The following LIMA1 variants were observed in gnomAD, a reference collection of about 807,000 sequenced individuals.
LIMA1 encodes LIM domain and actin-binding protein 1.
Under a neutral mutation model 62.6 loss-of-function variants are expected in LIMA1, and 52 were observed. That is an observed-to-expected ratio of 0.83 (90% CI 0.67 to 1.05). LIMA1 has a LOEUF of 1.05. Ranked by LOEUF, LIMA1 falls within the 50% of genes least tolerant of loss-of-function variation. The pLI is 0.00. For missense variants in LIMA1, 780 were observed against 902.2 expected (o/e 0.86, Z 1.74); for synonymous variants, 302 against 317.8 (o/e 0.95, Z 0.53).
chr12:50,247,171 G>C (rs1477099591), intron 2 of LIMA1, among the ~76,000 whole-genome samples: 2 of 151,842 alleles, frequency 1.3e-5, no homozygotes, highest in Non-Finnish European at 2.9e-5. Flanking sequence ...AATTTAAAAT[G>C]TCCAAAAAAT....
intron 4 of LIMA1, among the ~76,000 whole-genome samples, chr12:50,215,861 C>A (rs550832108): frequency 3.4e-4 from 52 of 152,126 alleles, no homozygotes; most frequent in Non-Finnish European, 2.5e-4. Flanking sequence ...ACCAGCCTGG[C>A]CAACATGGCA....
chr12:50,190,391 G>T, intron 9 of LIMA1: 1 of 143,476 alleles, frequency 7.0e-6, no homozygotes, highest in Non-Finnish European at 1.5e-5. Flanking sequence ...TTTGAGACAA[G>T]AGTTTCATGC....
intron 4 of LIMA1, among the ~76,000 whole-genome samples, chr12:50,221,566 GAGA>G (rs1171140762): frequency 1.3e-5 from 2 of 152,178 alleles, no homozygotes; most frequent in Admixed American, 6.5e-5. Context: ...TGAGGAAGTT[GAGA>G]AGAAGAGAAG....
intron 4 of LIMA1, 93 bp from the exon 5 acceptor site, chr12:50,206,161 C>A: frequency 1.1e-6 from 1 of 913,774 alleles, no homozygotes; most frequent in Non-Finnish European, 1.7e-6. Flanking sequence ...AAATAAAATC[C>A]AGATTTGATT....
Position 50,204,720 on chromosome 12 carries a change from A to G in LIMA1, c.716-20T>C. 4 of 1,612,936 alleles carry G rather than the reference A, an allele frequency of 2.5e-6. No homozygotes were observed. The highest frequency in any genetic ancestry group is 1.1e-5 in the South Asian group (1 of 91,022). ...ACTGACCTGGAAGCATCCAAATAACATGTTTTATTTTATTTCTGAGATGGG... is the reference window on the plus strand; with the variant it reads ...ACTGACCTGGAAGCATCCAAATAACGTGTTTTATTTTATTTCTGAGATGGG... On this transcript the variant is annotated intron_variant, in intron 5 of 10. Coordinates refer to ENST00000341247, the MANE Select transcript of LIMA1 (RefSeq NM_016357.5).
chr12:50,236,777 G>A (rs553865823), intron 2 of LIMA1, among the ~76,000 whole-genome samples: 23 of 151,992 alleles, frequency 1.5e-4, no homozygotes, highest in Admixed American at 7.9e-4. Flanking sequence ...CAGCTAATAA[G>A]CTAATATGCA....
chr12:50,195,985 C>T (rs1324459425), intron 7 of LIMA1, 98 bp from the exon 8 acceptor site: 28 of 1,263,162 alleles, frequency 2.2e-5, no homozygotes, highest in Non-Finnish European at 2.7e-5. Context: ...AACCTGCTGA[C>T]TCCAGTCAGT....
chr12:50,182,399 C>T (rs1331204679), intron 9 of LIMA1, among the ~76,000 whole-genome samples: 3 of 152,026 alleles, frequency 2.0e-5, no homozygotes, highest in Non-Finnish European at 4.4e-5. Context: ...TGTTATCACA[C>T]ACAGAAGAAA....
At chr12:50,262,382 C>G (rs1942082487) in intron 1 of LIMA1, among the ~76,000 whole-genome samples, 1 of 152,034 alleles carries the variant, frequency 6.6e-6, no homozygotes, top group Non-Finnish European at 1.5e-5. Context: ...TTCATTAGGT[C>G]TGGAGAAGGG....
chr12:50,260,305 A>G lies in LIMA1; in HGVS notation c.-23-11531T>C, dbSNP rs934948814. ...TGGGATTACAGGTGCTCACCACCATACCCGGCTAAGTTTTTGTATTTTTAG... is the reference window on the plus strand; with the variant it reads ...TGGGATTACAGGTGCTCACCACCATGCCCGGCTAAGTTTTTGTATTTTTAG... On this transcript the variant is annotated intron_variant, in intron 1 of 10. Transcript: ENST00000341247. 8.9e-4 allele frequency among the ~76,000 whole-genome samples: 135 copies of G among 151,772 alleles called. 1 individual carries two copies. Among genetic ancestry groups the G allele is most frequent in the Non-Finnish European group, 1.8e-3 (124 of 67,932 alleles).
chr12:50,232,767 G>A (rs1289021212), intron 2 of LIMA1, among the ~76,000 whole-genome samples: 5 of 152,130 alleles, frequency 3.3e-5, no homozygotes, highest in African/African-American at 9.7e-5. Flanking sequence ...TGGGTGGATC[G>A]CCTGAGGTCA....
rs867656622 is a variant in LIMA1 at position 50,185,557 on chromosome 12, C to T, written c.1141-3520G>A. On this transcript the variant is annotated intron_variant, in intron 9 of 10. Coordinates refer to ENST00000341247, the MANE Select transcript of LIMA1 (RefSeq NM_016357.5). ...CAGAGACTCAGATCCAAGAATAAGA[C>T]CACATTTTTCTTTTTTTCCTTTTTA... 79 of 437,334 alleles carry T rather than the reference C, an allele frequency of 1.8e-4. 3 individuals are homozygous for T. The Middle Eastern group carries it at 0.021, about 117-fold the overall frequency. The allele number at this position is 437,334 out of a possible 1,614,324, so 27.1% of individuals were successfully genotyped here.
Position 50,192,061 on chromosome 12 carries a change from G to C in LIMA1, c.1140+391C>G, listed in dbSNP as rs185559128. Among the ~76,000 whole-genome samples, 9 of 151,230 alleles carry C rather than the reference G, an allele frequency of 6.0e-5. No homozygotes were observed. The East Asian group carries it at 1.6e-3, about 26-fold the overall frequency. On this transcript the variant is annotated intron_variant, in intron 9 of 10. Transcript: ENST00000341247. The stretch of plus-strand genomic sequence containing the variant: ...GAGACAGGAGAATTGCTTGAACATG[G>C]GGGGGCGGAGGTTACAGTAAGCCGA...
In LIMA1 at chr12:50,193,610, A is replaced by ATATATGATATATATATACATGTGTG. The variant is rs1565833358; in HGVS notation, c.1031-1050_1031-1049insCACACATGTATATATATATCATATA. Reference sequence around the variant, plus strand: ...GTATATATGATATATATATACATGTATATATATATACATATATATACGTGT... The same window carrying ATATATGATATATATATACATGTGTG: ...GTATATATGATATATATATACATGTATATATGATATATATATACATGTGTGTATATATATACATATATATACGTGT... On this transcript the variant is annotated intron_variant, in intron 8 of 10. Coordinates refer to ENST00000341247, the MANE Select transcript of LIMA1 (RefSeq NM_016357.5). Among the ~76,000 whole-genome samples, 209 of 82,380 alleles carry ATATATGATATATATATACATGTGTG rather than the reference A, an allele frequency of 2.5e-3. 4 individuals carry two copies. Among genetic ancestry groups the ATATATGATATATATATACATGTGTG allele is most frequent in the African/African-American group, 8.3e-3 (189 of 22,734 alleles). The allele number at this position is 82,380 out of a possible 152,430, so 54.0% of individuals were successfully genotyped here. A position where few individuals can be genotyped will look rare whatever the true frequency, so the allele number is the denominator to read the frequency against.
intron 4 of LIMA1, among the ~76,000 whole-genome samples, chr12:50,211,255 A>G (rs1450509953): frequency 6.6e-6 from 1 of 150,488 alleles, no homozygotes; most frequent in African/African-American, 2.4e-5. Context: ...CCTGGGAGGC[A>G]GAGGTTGCAG....
At chr12:50,210,513 A>G (rs1941238150) in intron 4 of LIMA1, among the ~76,000 whole-genome samples, 1 of 152,174 alleles carries the variant, frequency 6.6e-6, no homozygotes, top group Admixed American at 6.5e-5. Context: ...TCAAAGTTCA[A>G]GCACAATTCC....
chr12:50,253,033 G>T (rs760603247), intron 1 of LIMA1, among the ~76,000 whole-genome samples: 207 of 152,282 alleles, frequency 1.4e-3, no homozygotes, highest in Non-Finnish European at 1.9e-3. Context: ...TGGGAAGAGA[G>T]AAATTGACAG....
intron 8 of LIMA1, among the ~76,000 whole-genome samples, chr12:50,193,668 T>TATATA (rs1248804824): frequency 3.0e-4 from 24 of 79,236 alleles, no homozygotes; most frequent in African/African-American, 1.3e-3. Flanking sequence ...ATATATATAT[T>TATATA]TTTTTTTTTT....
In LIMA1 at chr12:50,193,517, T is replaced by TC. The variant is rs1565833085; in HGVS notation, c.1031-957_1031-956insG. Among the ~76,000 whole-genome samples the TC allele has an allele frequency of 7.5e-3, 1,025 of 136,970 alleles. 9 individuals carry two copies. Among genetic ancestry groups the TC allele is most frequent in the African/African-American group, 0.026 (953 of 37,194 alleles). The allele number at this position is 136,970 out of a possible 152,430, so 89.9% of individuals were successfully genotyped here. The stretch of plus-strand genomic sequence containing the variant: ...ATATATCATATATGTGTATATATGA[T>TC]ATATATACACATATATGATATATAT... On this transcript the variant is annotated intron_variant, in intron 8 of 10. Coordinates refer to ENST00000341247, the MANE Select transcript of LIMA1 (RefSeq NM_016357.5).
Sources: gnomAD v4.1 joint callset for allele counts (sites outside exome capture counted in the v4.1 genomes callset) on GRCh38, gnomAD v4.1.1 for gene constraint, MANE v1.5 for transcripts, NCBI Gene and HGNC (gene_info 2026-07-23, HGNC 2026-07-21) for gene names.